Variants in LINGO2 observed in about 807,000 individuals in gnomAD.
The protein encoded by LINGO2 is leucine rich repeat and Ig domain containing 2, also known as leucine-rich repeat and immunoglobulin-like domain-containing nogo receptor-interacting protein 2.
LINGO2 carries 14 observed loss-of-function variants against 30.6 expected under a neutral mutation model. The ratio of observed to expected loss-of-function variants is 0.46; its 90% CI spans 0.30 to 0.72. The LOEUF (loss-of-function observed/expected upper bound fraction) is 0.72, where lower values mean the gene tolerates loss of function less well. LINGO2 is among the 30% of genes least tolerant of loss of function. LINGO2 has a pLI of 0.07. For missense variants in LINGO2, 729 were observed against 751.7 expected (o/e 0.97, Z 0.35); for synonymous variants, 317 against 288.5 (o/e 1.10, Z -1.00).
At chr9:28,354,451 G>T (rs527509171) in intron 3 of LINGO2, among the ~76,000 whole-genome samples, 1 of 152,106 alleles carries the variant, frequency 6.6e-6, no homozygotes, top group Non-Finnish European at 1.5e-5. Context: ...ATGTAATAGC[G>T]TTAGGTGTTC....
chr9:28,069,441 G>A (rs1005426987), intron 4 of LINGO2, among the ~76,000 whole-genome samples: 1 of 152,120 alleles, frequency 6.6e-6, no homozygotes, highest in Non-Finnish European at 1.5e-5. Context: ...GTTGTCTAAT[G>A]TTCATAACCT....
intron 1 of LINGO2, among the ~76,000 whole-genome samples, chr9:28,564,305 A>G (rs1447509593): frequency 6.6e-6 from 1 of 152,186 alleles, no homozygotes; most frequent in Non-Finnish European, 1.5e-5. Flanking sequence ...AGAGTCATAC[A>G]TAAGAAATCA....
At chr9:28,671,343 T>C (rs1438299269), upstream of LINGO2, among the ~76,000 whole-genome samples, 1 of 151,786 alleles carries the variant, frequency 6.6e-6, no homozygotes, top group African/African-American at 2.4e-5. Flanking sequence ...AGCAAAGACC[T>C]AAATAAACCT....
intron 3 of LINGO2, among the ~76,000 whole-genome samples, chr9:28,346,370 G>A (rs1194844318): frequency 6.6e-6 from 1 of 152,144 alleles, no homozygotes; most frequent in East Asian, 1.9e-4. Context: ...CAAAGGACAT[G>A]ATCTCATTCT....
intron 4 of LINGO2, among the ~76,000 whole-genome samples, chr9:28,091,649 T>A (rs1189560057): frequency 2.6e-5 from 4 of 152,128 alleles, no homozygotes; most frequent in African/African-American, 9.7e-5. Flanking sequence ...GGCAAGGACT[T>A]CATGTCTAAA....
At chr9:28,155,429 C>T (rs1828106662) in intron 4 of LINGO2, among the ~76,000 whole-genome samples, 1 of 152,192 alleles carries the variant, frequency 6.6e-6, no homozygotes, top group African/African-American at 2.4e-5. Flanking sequence ...TATGTCTACT[C>T]CTGCTTTCCT....
At chr9:29,045,093 A>G in the LINGO2 span, among the ~76,000 whole-genome samples, 2 of 152,118 alleles carry the variant, frequency 1.3e-5, no homozygotes, top group South Asian at 2.1e-4. Context: ...ATGGCAACTA[A>G]GTGATTGACA....
the LINGO2 span, among the ~76,000 whole-genome samples, chr9:29,020,236 A>G: frequency 6.6e-6 from 1 of 152,196 alleles, no homozygotes; most frequent in Non-Finnish European, 1.5e-5. Context: ...TATGGAATCC[A>G]AGGTACAAGA....
chr9:29,040,557 C>G, the LINGO2 span, among the ~76,000 whole-genome samples: 2 of 147,264 alleles, frequency 1.4e-5, no homozygotes, highest in Non-Finnish European at 3.0e-5. Context: ...AACCTCTAGA[C>G]GCCTCTTTAA....
chr9:28,399,714 A>G (rs376342015), intron 2 of LINGO2, among the ~76,000 whole-genome samples: 3 of 152,202 alleles, frequency 2.0e-5, no homozygotes, highest in African/African-American at 7.2e-5. Flanking sequence ...GAACTGGCTT[A>G]GAGTATTAGA....
chr9:28,880,598 G>C, the LINGO2 span, among the ~76,000 whole-genome samples: 1 of 152,126 alleles, frequency 6.6e-6, no homozygotes, highest in Non-Finnish European at 1.5e-5. Context: ...ATATGGCCTC[G>C]TGGGATGAGA....
the LINGO2 span, among the ~76,000 whole-genome samples, chr9:29,039,715 C>T: frequency 6.6e-6 from 1 of 152,122 alleles, no homozygotes; most frequent in Non-Finnish European, 1.5e-5. Flanking sequence ...AACTCAATTC[C>T]AGGGACAGGC....
At chr9:28,056,876 TGATA>T (rs1434677174) in intron 4 of LINGO2, among the ~76,000 whole-genome samples, 1 of 152,180 alleles carries the variant, frequency 6.6e-6, no homozygotes, top group Non-Finnish European at 1.5e-5. Flanking sequence ...AATACAAGAA[TGATA>T]GAAACTGAAA....
At chr9:28,300,965 A>C (rs564096745) in intron 3 of LINGO2, among the ~76,000 whole-genome samples, 1 of 151,910 alleles carries the variant, frequency 6.6e-6, no homozygotes, top group South Asian at 2.1e-4. Flanking sequence ...CTTAGAACTC[A>C]CAAACAAAAT....
intron 3 of LINGO2, among the ~76,000 whole-genome samples, chr9:28,366,991 T>C (rs1188194493): frequency 6.6e-6 from 1 of 152,116 alleles, no homozygotes; most frequent in Non-Finnish European, 1.5e-5. Flanking sequence ...TCCTCCTTTT[T>C]ATCTTTCTCA....
intron 4 of LINGO2, among the ~76,000 whole-genome samples, chr9:28,132,596 C>G (rs546438239): frequency 6.6e-6 from 1 of 152,162 alleles, no homozygotes; most frequent in Non-Finnish European, 1.5e-5. Context: ...TGAGGTAGAA[C>G]GTTAACAAAA....
intron 4 of LINGO2, among the ~76,000 whole-genome samples, chr9:28,107,646 A>T (rs1272450979): frequency 1.3e-5 from 2 of 152,178 alleles, no homozygotes; most frequent in Non-Finnish European, 2.9e-5. Flanking sequence ...AAGAGTAATT[A>T]GAAAAGCGTA....
At chr9:28,776,175 G>C in the LINGO2 span, among the ~76,000 whole-genome samples, 1 of 152,192 alleles carries the variant, frequency 6.6e-6, no homozygotes, top group Admixed American at 6.5e-5. Context: ...TGAGGAAACA[G>C]TGAGCTTTAG....
At chr9:28,655,853 A>G (rs895883602) in intron 1 of LINGO2, among the ~76,000 whole-genome samples, 3 of 152,122 alleles carry the variant, frequency 2.0e-5, no homozygotes, top group African/African-American at 7.2e-5. Flanking sequence ...TGAATCAATT[A>G]AACTTCTTTC....
Sources: allele counts gnomAD v4.1 joint callset (sites outside exome capture counted in the v4.1 genomes callset), GRCh38; gene constraint gnomAD v4.1.1; transcripts MANE v1.5; gene names NCBI Gene and HGNC (gene_info 2026-07-23, HGNC 2026-07-21).